GALNT2: variants seen among roughly 807,000 people sequenced by gnomAD.
GALNT2 encodes the protein UDP-GalNAc:polypeptide N-acetylgalactosaminyltransferase 2.
A neutral mutation model predicts 81.4 loss-of-function variants in GALNT2; 31 were observed. That is an observed-to-expected ratio of 0.38 (90% CI 0.29 to 0.51). The LOEUF is 0.51. GALNT2 is among the 20% of genes least tolerant of loss of function. GALNT2 has a pLI of 0.87. For synonymous variants in GALNT2, 303 were observed against 287.4 expected, an observed-to-expected ratio of 1.05 and a Z score of -0.55; for missense variants, 629 against 765.7, an observed-to-expected ratio of 0.82 and a Z score of 2.11.
intron 2 of GALNT2, among the ~76,000 whole-genome samples, chr1:230,190,789 C>G (rs576541944): frequency 6.8e-4 from 103 of 152,260 alleles, no homozygotes; most frequent in Middle Eastern, 6.8e-3. Context: ...CCATAAACAT[C>G]TCCTATAGCA....
chr1:230,063,308 C>T (rs1352777262), upstream of GALNT2, among the ~76,000 whole-genome samples: 2 of 89,074 alleles, frequency 2.2e-5, no homozygotes, highest in South Asian at 3.3e-4. Context: ...AAGTGTCCAC[C>T]AAAAAAAAAA....
At chr1:230,151,523 G>C (rs950942655) in intron 1 of GALNT2, among the ~76,000 whole-genome samples, 3 of 152,158 alleles carry the variant, frequency 2.0e-5, no homozygotes, top group Non-Finnish European at 4.4e-5. Flanking sequence ...TGACTACCCG[G>C]CCTCCCCAAG....
In GALNT2 at chr1:230,265,187, C is replaced by T. The variant is rs201134396; in HGVS notation, c.1314-54C>T. Reference sequence around the variant, plus strand: ...GCCACTGAGCAAAGGGGCTGGTGGACGGGAGCTGGTGGTCATGTGCAGTGA... The same window carrying T: ...GCCACTGAGCAAAGGGGCTGGTGGATGGGAGCTGGTGGTCATGTGCAGTGA... On this transcript the variant is annotated intron_variant, in intron 13 of 15. Transcript: ENST00000366672. The T allele has an allele frequency of 5.4e-4, 867 of 1,610,844 alleles. 2 individuals are homozygous for T. The highest frequency in any genetic ancestry group is 6.5e-4 in the Non-Finnish European group (765 of 1,177,598).
chr1:230,158,126 A>T (rs1662317230), intron 1 of GALNT2, among the ~76,000 whole-genome samples: 1 of 152,196 alleles, frequency 6.6e-6, no homozygotes, highest in Non-Finnish European at 1.5e-5. Flanking sequence ...CTCCAGAGGC[A>T]TTGAAAGGGA....
intron 3 of GALNT2, among the ~76,000 whole-genome samples, chr1:230,226,843 A>G (rs1664730452): frequency 6.6e-6 from 1 of 152,244 alleles, no homozygotes; most frequent in Non-Finnish European, 1.5e-5. Flanking sequence ...GCTGAAATCA[A>G]TCACTCTGTG....
At chr1:230,127,119 G>A (rs1661209298) in intron 1 of GALNT2, among the ~76,000 whole-genome samples, 1 of 152,088 alleles carries the variant, frequency 6.6e-6, no homozygotes, top group Non-Finnish European at 1.5e-5. Flanking sequence ...TCCCATTGCT[G>A]CCTGAGGCAG....
At chr1:230,233,458 C>T (rs1205053454) in intron 3 of GALNT2, among the ~76,000 whole-genome samples, 3 of 152,114 alleles carry the variant, frequency 2.0e-5, no homozygotes, top group African/African-American at 7.2e-5. Context: ...ACTAAAAATA[C>T]AAAAATTAGC....
At position 230,075,416 on chromosome 1, in the gene GALNT2, C is replaced by T. The variant is rs183730033; in HGVS notation, c.126+8010C>T. Among the ~76,000 whole-genome samples, 886 of 152,276 alleles carry T rather than the reference C, an allele frequency of 5.8e-3. 3 individuals are homozygous for T. Among genetic ancestry groups the T allele is most frequent in the Non-Finnish European group, 9.3e-3 (631 of 68,020 alleles). ...GATTACAGGCGTGAGCCACCGTGCC[C>T]GGCTGCTCTTTTCTTCATTTTTACC... On this transcript the variant is annotated intron_variant, in intron 1 of 15. Coordinates refer to ENST00000366672, the MANE Select transcript of GALNT2 (RefSeq NM_004481.5).
At chr1:230,103,620 A>G (rs1404578902) in intron 1 of GALNT2, among the ~76,000 whole-genome samples, 9 of 152,120 alleles carry the variant, frequency 5.9e-5, no homozygotes, top group Non-Finnish European at 1.2e-4. Context: ...CCCAGGAAAG[A>G]GATTCTTGCA....
Position 230,281,464 on chromosome 1 carries a change from CA to C in GALNT2, c.*2007del, listed in dbSNP as rs1028529309. On this transcript the variant is annotated 3_prime_UTR_variant, in exon 16 of 16. Transcript: ENST00000366672. ...CAGGGTGTGCGTAGCCCCCAGCACC[CA>C]GGTTCTTCTGTCAGACCCTGTGACC... 6.1e-4 allele frequency: 93 copies of C among 152,330 alleles called. 1 individual carries two copies. The highest frequency in any genetic ancestry group is 2.2e-3 in the African/African-American group (92 of 41,546). 9.4% of individuals were successfully genotyped at this position (152,330 alleles called of 1,614,324 possible). A position where few individuals can be genotyped will look rare whatever the true frequency, so the allele number is the denominator to read the frequency against.
At chr1:230,099,191 GC>G (rs1660333281) in intron 1 of GALNT2, among the ~76,000 whole-genome samples, 1 of 152,196 alleles carries the variant, frequency 6.6e-6, no homozygotes, top group East Asian at 1.9e-4. Context: ...CCTGCTGTTG[GC>G]CTGAAGCATT....
chr1:230,128,472 G>C (rs1209510536), intron 1 of GALNT2, among the ~76,000 whole-genome samples: 1 of 152,120 alleles, frequency 6.6e-6, no homozygotes, highest in Non-Finnish European at 1.5e-5. Flanking sequence ...ATTAAATTCA[G>C]TGGGCCACTT....
chr1:230,149,098 C>G (rs937881890), intron 1 of GALNT2, among the ~76,000 whole-genome samples: 2 of 152,178 alleles, frequency 1.3e-5, no homozygotes. Flanking sequence ...CCAGGCTGGT[C>G]TCGAACTCCT....
intron 1 of GALNT2, among the ~76,000 whole-genome samples, chr1:230,148,660 A>T (rs1249221216): frequency 6.6e-6 from 1 of 152,004 alleles, no homozygotes; most frequent in Non-Finnish European, 1.5e-5. Context: ...ATCACAGCTC[A>T]CTGCAGCCTT....
chr1:230,104,964 A>G (rs1356717997), intron 1 of GALNT2, among the ~76,000 whole-genome samples: 3 of 152,248 alleles, frequency 2.0e-5, no homozygotes, highest in Non-Finnish European at 4.4e-5. Flanking sequence ...AAAGTGTCAG[A>G]GAAACAGCAG....
rs1665300715 is a variant in GALNT2 at position 230,244,407 on chromosome 1, T to C, written c.729+980T>C. ...TGCAAAGCCAGTTTCATTAAATCCC[T>C]ATCTGAGCCCCTCTCTTAACACATG... On this transcript the variant is annotated intron_variant, in intron 7 of 15. Coordinates refer to ENST00000366672, the MANE Select transcript of GALNT2 (RefSeq NM_004481.5). Among the ~76,000 whole-genome samples the C allele has an allele frequency of 4.6e-5, 7 of 152,284 alleles. 1 individual carries two copies. The South Asian group carries it at 1.5e-3, about 32-fold the overall frequency.
chr1:230,211,535 C>T, intron 3 of GALNT2, among the ~76,000 whole-genome samples: 1 of 152,178 alleles, frequency 6.6e-6, no homozygotes, highest in East Asian at 1.9e-4. Context: ...TGGCTCACAC[C>T]TGTAATTTCA....
chr1:230,240,960 G>C (rs1665182379), intron 6 of GALNT2, among the ~76,000 whole-genome samples: 1 of 152,108 alleles, frequency 6.6e-6, no homozygotes, highest in Non-Finnish European at 1.5e-5. Context: ...AAGTTCACTA[G>C]TCATTCTGCC....
intron 15 of GALNT2, among the ~76,000 whole-genome samples, chr1:230,274,983 C>CTACATATA (rs964820116): frequency 6.6e-6 from 1 of 151,150 alleles, no homozygotes; most frequent in African/African-American, 2.4e-5. Flanking sequence ...TATATACATG[C>CTACATATA]TACATATATA....
Sources: gnomAD v4.1 joint callset for allele counts (sites outside exome capture counted in the v4.1 genomes callset) on GRCh38, gnomAD v4.1.1 for gene constraint, MANE v1.5 for transcripts, NCBI Gene and HGNC (gene_info 2026-07-23, HGNC 2026-07-21) for gene names.